Variants in CMSS1 observed in about 807,000 individuals in gnomAD.
CMSS1 encodes the protein cms1 ribosomal small subunit homolog.
A neutral mutation model predicts 43.5 loss-of-function variants in CMSS1; 33 were observed. The observed-to-expected ratio is 0.76, with a 90% CI of 0.57 to 1.01. The LOEUF is 1.01. Among genes scored for constraint, CMSS1 ranks in the 50% least tolerant of loss-of-function variants. The pLI, the probability that CMSS1 is intolerant of heterozygous loss-of-function variation, is 0.00. For missense variants in CMSS1, 313 were observed against 326.4 expected (o/e 0.96, Z 0.32); for synonymous variants, 115 against 117.2 (o/e 0.98, Z 0.12).
At chr3:99,874,837 C>G (rs548309353) in intron 1 of CMSS1, among the ~76,000 whole-genome samples, 1 of 152,340 alleles carries the variant, frequency 6.6e-6, no homozygotes, top group African/African-American at 2.4e-5. Flanking sequence ...GTAACACACA[C>G]ATACACCTCA....
intron 1 of CMSS1, among the ~76,000 whole-genome samples, chr3:100,028,230 A>G (rs2107252232): frequency 6.6e-6 from 1 of 152,316 alleles, no homozygotes; most frequent in Admixed American, 6.5e-5. Context: ...CAGATGAGGA[A>G]ACTCAGACAC....
chr3:99,929,612 A>T (rs1707410756), intron 1 of CMSS1, among the ~76,000 whole-genome samples: 1 of 151,476 alleles, frequency 6.6e-6, no homozygotes, highest in Non-Finnish European at 1.5e-5. Flanking sequence ...GAGAGTGGGG[A>T]GCATTCTCTG....
rs1553715652 is a variant in CMSS1 at position 100,117,878 on chromosome 3, T to TACACAC, written c.65-29090_65-29089insCACACA. Among the ~76,000 whole-genome samples, 39 of 129,086 alleles carry TACACAC rather than the reference T, an allele frequency of 3.0e-4. 1 individual carries two copies. Among genetic ancestry groups the TACACAC allele is most frequent in the African/African-American group, 1.2e-3 (38 of 31,618 alleles). The allele number at this position is 129,086 out of a possible 152,430, so 84.7% of individuals were successfully genotyped here. ...ACATATATATATATATATATATATA[T>TACACAC]ACACATACAATGGAGTATTACTCAG... On this transcript the variant is annotated intron_variant, in intron 1 of 9. Transcript: ENST00000421999.
At chr3:100,139,671 C>T (rs2066788768) in intron 1 of CMSS1, among the ~76,000 whole-genome samples, 1 of 150,036 alleles carries the variant, frequency 6.7e-6, no homozygotes, top group South Asian at 2.1e-4. Flanking sequence ...GTGGTGGGCA[C>T]CTGTAATCCC....
chr3:100,084,289 T>C (rs2065973412), intron 1 of CMSS1, among the ~76,000 whole-genome samples: 2 of 152,200 alleles, frequency 1.3e-5, no homozygotes, highest in South Asian at 4.1e-4. Flanking sequence ...CTGCTATTTT[T>C]CACTAGCCCA....
intron 1 of CMSS1, among the ~76,000 whole-genome samples, chr3:100,020,571 C>T (rs1373442954): frequency 6.6e-6 from 1 of 152,082 alleles, no homozygotes; most frequent in Non-Finnish European, 1.5e-5. Context: ...TGGGTTATAT[C>T]TTTTGCCATA....
At chr3:99,933,742 T>A (rs1205511645) in intron 1 of CMSS1, among the ~76,000 whole-genome samples, 1 of 152,176 alleles carries the variant, frequency 6.6e-6, no homozygotes, top group East Asian at 1.9e-4. Flanking sequence ...TCCTTTGTCT[T>A]ATATTTTTAA....
In CMSS1 at chr3:99,867,521, A is replaced by G. The variant is rs1422209804; in HGVS notation, c.64+49478A>G. On this transcript the variant is annotated intron_variant, in intron 1 of 9. Coordinates refer to ENST00000421999, the MANE Select transcript of CMSS1 (RefSeq NM_032359.4). The stretch of plus-strand genomic sequence containing the variant: ...AAAGCAGAACCCCAGGTATTAAACA[A>G]TTGAAAAGCCACATATCTGATGGAC... Among the ~76,000 whole-genome samples, 6 of 152,336 alleles carry G rather than the reference A, an allele frequency of 3.9e-5. No homozygotes were observed. In the East Asian group the frequency reaches 1.2e-3, roughly 29 times the overall value.
intron 1 of CMSS1, among the ~76,000 whole-genome samples, chr3:99,985,210 C>T (rs1709300548): frequency 6.6e-6 from 1 of 152,072 alleles, no homozygotes; most frequent in African/African-American, 2.4e-5. Flanking sequence ...GAGAAAACTG[C>T]AATTGGTTCT....
chr3:100,077,898 AC>A (rs943152309), intron 1 of CMSS1, among the ~76,000 whole-genome samples: 2 of 152,076 alleles, frequency 1.3e-5, no homozygotes, highest in African/African-American at 2.4e-5. Context: ...ACAGAATAAG[AC>A]CCTGTCTCAA....
At chr3:99,964,828 A>G (rs1377228928) in intron 1 of CMSS1, among the ~76,000 whole-genome samples, 1 of 152,142 alleles carries the variant, frequency 6.6e-6, no homozygotes, top group Non-Finnish European at 1.5e-5. Context: ...CCTCTCATCT[A>G]CTATGCTCCC....
intron 1 of CMSS1, among the ~76,000 whole-genome samples, chr3:100,043,660 T>C (rs2065239515): frequency 6.6e-6 from 1 of 152,246 alleles, no homozygotes; most frequent in South Asian, 2.1e-4. Context: ...ATGTTGAATT[T>C]ATTTTTTAAA....
chr3:99,921,098 A>T (rs1006049536), intron 1 of CMSS1, among the ~76,000 whole-genome samples: 1 of 152,162 alleles, frequency 6.6e-6, no homozygotes, highest in African/African-American at 2.4e-5. Flanking sequence ...GGAAGTAAAC[A>T]TTGTTCTTTG....
intron 1 of CMSS1, among the ~76,000 whole-genome samples, chr3:99,997,153 AT>A (rs1185108992): frequency 6.6e-6 from 1 of 152,218 alleles, no homozygotes; most frequent in Non-Finnish European, 1.5e-5. Context: ...AAGAAAAACC[AT>A]ACAAAGGATG....
chr3:100,114,882 T>G, intron 1 of CMSS1: 1 of 1,186,064 alleles, frequency 8.4e-7, no homozygotes, highest in African/African-American at 1.5e-5. Flanking sequence ...AAACATTCGC[T>G]ATTATTAACG....
At chr3:100,047,973 A>T (rs1011918282) in intron 1 of CMSS1, among the ~76,000 whole-genome samples, 2 of 152,186 alleles carry the variant, frequency 1.3e-5, no homozygotes, top group Admixed American at 6.5e-5. Context: ...TGTCCCTCCT[A>T]TAGTGTAAAT....
chr3:99,848,253 A>ACTGGATGAGGGTGAGCGTGGT, intron 1 of CMSS1: 1 of 1,605,346 alleles, frequency 6.2e-7, no homozygotes, highest in Non-Finnish European at 8.5e-7. Context: ...ATCAGTATGG[A>ACTGGATGAGGGTGAGCGTGGT]CTGGATGAGG....
intron 1 of CMSS1, among the ~76,000 whole-genome samples, chr3:99,886,741 G>T (rs1165486022): frequency 6.7e-6 from 1 of 149,116 alleles, no homozygotes; most frequent in Admixed American, 6.7e-5. Context: ...ATCACTTGAG[G>T]TTAGGAGTTC....
chr3:100,148,667 T>C (rs866080984), intron 2 of CMSS1, among the ~76,000 whole-genome samples: 1 of 152,208 alleles, frequency 6.6e-6, no homozygotes, highest in Non-Finnish European at 1.5e-5. Flanking sequence ...TAATGATGAT[T>C]AAATAAGACT....
Sources: gnomAD v4.1 joint callset for allele counts (sites outside exome capture counted in the v4.1 genomes callset) on GRCh38, gnomAD v4.1.1 for gene constraint, MANE v1.5 for transcripts, NCBI Gene and HGNC (gene_info 2026-07-23, HGNC 2026-07-21) for gene names.